ANO4: variants seen among roughly 807,000 people sequenced by gnomAD.
ANO4 encodes anoctamin-4.
Under a neutral mutation model 141.9 loss-of-function variants are expected in ANO4, and 69 were observed. The ratio of observed to expected loss-of-function variants is 0.49; its 90% CI spans 0.40 to 0.59. ANO4 has a LOEUF of 0.59. Among genes scored for constraint, ANO4 ranks in the 20% least tolerant of loss-of-function variants. ANO4 has a pLI of 0.00. For synonymous variants in ANO4, 350 were observed against 394.3 expected (o/e 0.89, Z 1.33); for missense variants, 894 against 1,162.2 (o/e 0.77, Z 3.36).
At chr12:101,126,814 C>T in intron 26 of ANO4, 65 bp from the exon 27 acceptor site, 3 of 1,462,452 alleles carry the variant, frequency 2.1e-6, no homozygotes, top group Non-Finnish European at 1.9e-6. Context: ...CTTCTTCAGC[C>T]AACTCTCTAA....
intron 17 of ANO4, among the ~76,000 whole-genome samples, chr12:101,089,577 A>G (rs916666492): frequency 1.1e-4 from 17 of 152,330 alleles, no homozygotes; most frequent in African/African-American, 3.8e-4. Flanking sequence ...TTTGCATCCC[A>G]TTAGGATGCA....
chr12:100,972,307 A>G (rs866924723), intron 6 of ANO4, among the ~76,000 whole-genome samples: 6 of 152,358 alleles, frequency 3.9e-5, no homozygotes, highest in South Asian at 2.1e-4. Flanking sequence ...AAGAACATTT[A>G]TAGAGACAGA....
rs78656256 is a variant in ANO4 at position 100,894,036 on chromosome 12, A to C, written c.-140-7610A>C. On this transcript the variant is annotated intron_variant, in intron 1 of 27. Transcript: ENST00000392977. ...ATGTAGATATTGAGCCAAAGGTTAGATCTAGAAAATATTATATCTAGTCCT... is the reference window on the plus strand; with the variant it reads ...ATGTAGATATTGAGCCAAAGGTTAGCTCTAGAAAATATTATATCTAGTCCT... Among the ~76,000 whole-genome samples the C allele has an allele frequency of 2.1e-3, 322 of 152,302 alleles. 15 individuals are homozygous for C. The East Asian group carries it at 0.05, about 24-fold the overall frequency.
chr12:100,729,360 CAAAAA>C (rs1156522144), intron 1 of ANO4, among the ~76,000 whole-genome samples: 1,306 of 22,362 alleles, frequency 0.058, 14 homozygotes, highest in African/African-American at 0.17. Context: ...AACTCTGTCT[CAAAAA>C]AAAAAAAAAA....
chr12:100,922,359 C>A, intron 3 of ANO4, 29 bp downstream of exon 3: 1 of 1,462,472 alleles, frequency 6.8e-7, no homozygotes, highest in Non-Finnish European at 9.1e-7. Flanking sequence ...TTAAATTCGC[C>A]GTGAGAGAAG....
chr12:101,039,975 C>T lies in ANO4; in HGVS notation c.918C>T (p.Asn306=). 2 of 1,612,704 alleles carry T rather than the reference C, an allele frequency of 1.2e-6. No homozygotes were observed. Among genetic ancestry groups the T allele is most frequent in the Non-Finnish European group, 1.7e-6 (2 of 1,179,022 alleles). ...CCCAGGGAAGTTATAGAAGTAAAAACTCCATTCGAACCCATGGAGCAGAAA... is the reference window on the plus strand; with the variant it reads ...CCCAGGGAAGTTATAGAAGTAAAAATTCCATTCGAACCCATGGAGCAGAAA... ...PLHEGSYRSK[N]SIRTHGAENH... The change falls in exon 11 of 28, where the codon AAC becomes AAT. Residue 306 remains asparagine, a synonymous_variant. Coordinates refer to ENST00000392977, the MANE Select transcript of ANO4 (RefSeq NM_001286615.2).
At chr12:100,724,987 A>C (rs1230602492) in intron 1 of ANO4, among the ~76,000 whole-genome samples, 2 of 152,218 alleles carry the variant, frequency 1.3e-5, no homozygotes, top group Non-Finnish European at 2.9e-5. Context: ...AATCAGATGC[A>C]GTAAGTAGTT....
chr12:100,995,927 A>G (rs574122590), intron 8 of ANO4, among the ~76,000 whole-genome samples: 1 of 152,232 alleles, frequency 6.6e-6, no homozygotes, highest in Non-Finnish European at 1.5e-5. Context: ...CTCTGGAGCC[A>G]GCTTCTCTGA....
chr12:101,001,139 G>A (rs2045618584), intron 8 of ANO4, among the ~76,000 whole-genome samples: 1 of 152,070 alleles, frequency 6.6e-6, no homozygotes, highest in African/African-American at 2.4e-5. Context: ...TCATCAGAAT[G>A]GTAAAAGGCA....
chr12:100,811,364 A>C (rs558049887), intron 1 of ANO4, among the ~76,000 whole-genome samples: 4 of 152,262 alleles, frequency 2.6e-5, no homozygotes, highest in Admixed American at 6.5e-5. Flanking sequence ...TTATCTTTGG[A>C]AGATATTCTT....
At chr12:100,995,811 TGTGCC>T (rs1267011280) in intron 8 of ANO4, among the ~76,000 whole-genome samples, 2 of 152,202 alleles carry the variant, frequency 1.3e-5, no homozygotes, top group Non-Finnish European at 2.9e-5. Context: ...ACAGGAGCTA[TGTGCC>T]TGGGAGCAAG....
intron 8 of ANO4, among the ~76,000 whole-genome samples, chr12:101,011,180 T>C (rs1209786877): frequency 6.6e-6 from 1 of 152,160 alleles, no homozygotes; most frequent in Non-Finnish European, 1.5e-5. Flanking sequence ...CAAAAAATCA[T>C]GGAAATTACT....
At chr12:100,830,844 T>G (rs1326847568) in intron 1 of ANO4, among the ~76,000 whole-genome samples, 1 of 152,116 alleles carries the variant, frequency 6.6e-6, no homozygotes, top group Non-Finnish European at 1.5e-5. Context: ...CACTTTTAGC[T>G]TAAGTATCCA....
chr12:100,881,434 A>G (rs1407842902), intron 1 of ANO4, among the ~76,000 whole-genome samples: 4 of 151,694 alleles, frequency 2.6e-5, no homozygotes, highest in Non-Finnish European at 5.9e-5. Context: ...TTTAGGAAAA[A>G]AAAAAAAAAG....
rs34162417 is a variant in ANO4, at chr12:100,942,423, G to C, written c.344G>C (p.Gly115Ala). The change falls in exon 5 of 28, where the codon GGA becomes GCA. Residue 115 changes from glycine to alanine, a missense_variant. Gly to Ala is a moderately conservative substitution (Grantham distance 60). Transcript: ENST00000392977. ...TCAAATGGACTTTACTTTCGAGATG[G>C]AAAGTGTCGAATTGACTACATCCTT... Reference protein sequence around the residue: ...NKSNGLYFRDGKCRIDYILVY... With the variant: ...NKSNGLYFRDAKCRIDYILVY... The C allele has an allele frequency of 0.052, 83,216 of 1,613,952 alleles. 2,374 individuals are homozygous for C. The highest frequency in any genetic ancestry group is 0.09 in the Middle Eastern group (547 of 6,060).
At chr12:101,110,580 T>C in intron 23 of ANO4, 24 bp downstream of exon 23, 4 of 1,523,554 alleles carry the variant, frequency 2.6e-6, no homozygotes, top group African/African-American at 1.4e-5. Flanking sequence ...GGGTATGTTT[T>C]TAAAAAACAT....
In ANO4 at chr12:101,096,519, T is replaced by G; in HGVS notation, c.1739-17T>G. The G allele has an allele frequency of 1.9e-6, 3 of 1,593,038 alleles. No individual in the cohort carries two copies. The highest frequency in any genetic ancestry group is 2.6e-6 in the Non-Finnish European group (3 of 1,161,190). On this transcript the variant is annotated splice_polypyrimidine_tract_variant and intron_variant, in intron 18 of 27. Transcript: ENST00000392977. ...TGAGATTCAGCCTTTCAAACTCTGC[T>G]CACCTTTTGTCCACAGAACAGCCTC...
chr12:100,803,495 C>T (rs1294452083), intron 1 of ANO4, among the ~76,000 whole-genome samples: 1 of 152,202 alleles, frequency 6.6e-6, no homozygotes, highest in African/African-American at 2.4e-5. Flanking sequence ...CCAATATTCC[C>T]ATCCTATATT....
chr12:101,083,418 TATAAG>T (rs2049361775), intron 15 of ANO4, among the ~76,000 whole-genome samples: 1 of 152,212 alleles, frequency 6.6e-6, no homozygotes, highest in Non-Finnish European at 1.5e-5. Context: ...AGGTTAGTTT[TATAAG>T]ATAACAGATA....
Sources: gnomAD v4.1 joint callset for allele counts (sites outside exome capture counted in the v4.1 genomes callset) on GRCh38, gnomAD v4.1.1 for gene constraint, MANE v1.5 for transcripts, NCBI Gene and HGNC (gene_info 2026-07-23, HGNC 2026-07-21) for gene names.